PJA2: variants seen among roughly 807,000 people sequenced by gnomAD.
PJA2 encodes praja ring finger ubiquitin ligase 2, also known as E3 ubiquitin-protein ligase Praja-2.
Under a neutral mutation model 69.3 loss-of-function variants are expected in PJA2, and 25 were observed. The ratio of observed to expected loss-of-function variants is 0.36; its 90% CI spans 0.26 to 0.50. PJA2 has a LOEUF of 0.50. PJA2 is among the 20% of genes least tolerant of loss of function. The pLI is 0.96. For missense variants in PJA2, 809 were observed against 830.2 expected (o/e 0.97, Z 0.31); for synonymous variants, 308 against 277.8 (o/e 1.11, Z -1.08).
chr5:109,407,793 T>C (rs574754009), intron 1 of PJA2, among the ~76,000 whole-genome samples: 1 of 152,144 alleles, frequency 6.6e-6, no homozygotes, highest in Admixed American at 6.5e-5. Context: ...AGGAATGTTA[T>C]ACGTATGAAG....
At chr5:109,349,703 C>A (rs891985671) in intron 7 of PJA2, among the ~76,000 whole-genome samples, 1 of 152,174 alleles carries the variant, frequency 6.6e-6, no homozygotes, top group Non-Finnish European at 1.5e-5. Flanking sequence ...CTGAGATGGA[C>A]TAGGGACTCT....
intron 8 of PJA2, 119 bp from the exon 9 acceptor site, chr5:109,344,430 A>G (rs1762140698): frequency 2.7e-6 from 3 of 1,098,822 alleles, no homozygotes; most frequent in Admixed American, 2.8e-5. Context: ...GTCTTTGACC[A>G]GTTAATTGGC....
intron 1 of PJA2, among the ~76,000 whole-genome samples, chr5:109,394,665 C>CA (rs1224758299): frequency 3.9e-5 from 6 of 152,038 alleles, no homozygotes; most frequent in Admixed American, 2.6e-4. Context: ...CTTCAGAATG[C>CA]AAAAACATGC....
intron 1 of PJA2, among the ~76,000 whole-genome samples, chr5:109,398,709 C>T (rs1376998013): frequency 6.6e-6 from 1 of 151,276 alleles, no homozygotes; most frequent in Non-Finnish European, 1.5e-5. Flanking sequence ...CACACCAACA[C>T]GGCACATGTA....
intron 1 of PJA2, among the ~76,000 whole-genome samples, chr5:109,403,644 T>C (rs1283654609): frequency 1.3e-5 from 2 of 151,534 alleles, no homozygotes; most frequent in Admixed American, 1.3e-4. Context: ...GAATGGAAGA[T>C]GATTCAACAT....
At chr5:109,347,973 C>T (rs1002103088) in intron 7 of PJA2, among the ~76,000 whole-genome samples, 4 of 152,128 alleles carry the variant, frequency 2.6e-5, no homozygotes, top group Non-Finnish European at 5.9e-5. Context: ...ACAGAACTGG[C>T]AAGAAAAGGA....
At chr5:109,392,282 C>T (rs760400168) in intron 1 of PJA2, among the ~76,000 whole-genome samples, 4 of 151,946 alleles carry the variant, frequency 2.6e-5, no homozygotes, top group Non-Finnish European at 2.9e-5. Flanking sequence ...TCAAACAGAC[C>T]GGGCATGGTG....
rs1408397277 is a variant in PJA2 at position 109,343,806 on chromosome 5, C to T, written c.2001+384G>A. On this transcript the variant is annotated intron_variant, in intron 9 of 9. Transcript: ENST00000361189. ...CTAAATAAAACAGGTTTAAAAGATA[C>T]TACTATTGGCTGGGCGTGGTGGCTC... 2.0e-5 allele frequency among the ~76,000 whole-genome samples: 3 copies of T among 152,234 alleles called. No homozygotes were observed. In the East Asian group the frequency reaches 5.8e-4, roughly 29 times the overall value.
rs929792200 is a variant in PJA2, at chr5:109,336,632, G to A, written c.*599C>T. 3 of 152,018 alleles carry A rather than the reference G, an allele frequency of 2.0e-5. No individual in the cohort carries two copies. Among genetic ancestry groups the A allele is most frequent in the Admixed American group, 6.6e-5 (1 of 15,256 alleles). The allele number at this position is 152,018 out of a possible 1,614,324, so 9.4% of individuals were successfully genotyped here. A position where few individuals can be genotyped will look rare whatever the true frequency, so the allele number is the denominator to read the frequency against. Reference sequence around the variant, plus strand: ...CTAACTTTATTTCAGGGGGAGTTACGTCTACGATTTAAAACTTTTGTAATG... The same window carrying A: ...CTAACTTTATTTCAGGGGGAGTTACATCTACGATTTAAAACTTTTGTAATG... On this transcript the variant is annotated 3_prime_UTR_variant, in exon 10 of 10. Coordinates refer to ENST00000361189, the MANE Select transcript of PJA2 (RefSeq NM_014819.5).
intron 6 of PJA2, among the ~76,000 whole-genome samples, chr5:109,360,285 T>A (rs1394767238): frequency 6.6e-6 from 1 of 152,218 alleles, no homozygotes; most frequent in Non-Finnish European, 1.5e-5. Context: ...TCTAAAACGA[T>A]GATCTCTCTG....
chr5:109,368,831 A>G (rs1386226834), intron 4 of PJA2, 85 bp from the exon 5 acceptor site: 3 of 1,366,970 alleles, frequency 2.2e-6, no homozygotes, highest in Non-Finnish European at 3.0e-6. Flanking sequence ...TATGGTTTGG[A>G]TCTGTGTCCC....
intron 1 of PJA2, among the ~76,000 whole-genome samples, chr5:109,404,915 C>G (rs1184551434): frequency 6.6e-6 from 1 of 152,176 alleles, no homozygotes; most frequent in Admixed American, 6.5e-5. Flanking sequence ...TTCACCACTG[C>G]TATTCAACAT....
intron 2 of PJA2, among the ~76,000 whole-genome samples, chr5:109,382,224 T>C (rs1438900657): frequency 6.6e-6 from 1 of 152,040 alleles, no homozygotes; most frequent in African/African-American, 2.4e-5. Context: ...TAGATCACAA[T>C]AAATATGTTC....
intron 1 of PJA2, among the ~76,000 whole-genome samples, chr5:109,407,672 T>C (rs994663723): frequency 2.0e-4 from 30 of 151,998 alleles, no homozygotes; most frequent in Non-Finnish European, 2.5e-4. Flanking sequence ...ATCTGATACA[T>C]GATAGAAAAC....
chr5:109,364,595 C>T (rs187310937), intron 5 of PJA2, among the ~76,000 whole-genome samples: 1,907 of 140,668 alleles, frequency 0.014, 16 homozygotes, highest in Non-Finnish European at 0.022. Context: ...TGCACTCCAG[C>T]CTGGGCGACA....
At chr5:109,404,570 G>T (rs1316975195) in intron 1 of PJA2, among the ~76,000 whole-genome samples, 3 of 152,052 alleles carry the variant, frequency 2.0e-5, no homozygotes, top group Non-Finnish European at 4.4e-5. Flanking sequence ...CTGGAGGCTG[G>T]GAAGTCCAAA....
chr5:109,370,032 C>CAAA (rs1168528650), intron 4 of PJA2, among the ~76,000 whole-genome samples: 27 of 48,856 alleles, frequency 5.5e-4, no homozygotes, highest in East Asian at 1.3e-3. Flanking sequence ...AACTCCCTCT[C>CAAA]AAAAAAAAAA....
At chr5:109,391,857 G>A (rs1747289651) in intron 1 of PJA2, among the ~76,000 whole-genome samples, 1 of 152,094 alleles carries the variant, frequency 6.6e-6, no homozygotes, top group Non-Finnish European at 1.5e-5. Context: ...TACCTTGAAA[G>A]GATATCGTTT....
intron 6 of PJA2, among the ~76,000 whole-genome samples, chr5:109,360,326 T>TCACTTCCTACCAC (rs1762486245): frequency 6.6e-6 from 1 of 152,200 alleles, no homozygotes; most frequent in Non-Finnish European, 1.5e-5. Flanking sequence ...AGCTATCAGG[T>TCACTTCCTACCAC]ACTCTTGAGT....
Sources: gnomAD v4.1 joint callset for allele counts (sites outside exome capture counted in the v4.1 genomes callset) on GRCh38, gnomAD v4.1.1 for gene constraint, MANE v1.5 for transcripts, NCBI Gene and HGNC (gene_info 2026-07-23, HGNC 2026-07-21) for gene names.